Variants in FAT3 observed in about 807,000 individuals in gnomAD.
FAT3 encodes protocadherin Fat 3.
FAT3 carries 95 observed loss-of-function variants against 310.2 expected under a neutral mutation model. The observed-to-expected ratio is 0.31, with a 90% CI of 0.26 to 0.36. FAT3 has a LOEUF of 0.36. FAT3 is among the 10% of genes least tolerant of loss of function. The pLI is 1.00. For synonymous variants in FAT3, 2,314 were observed against 2,192.9 expected (o/e 1.06, Z -1.54); for missense variants, 5,408 against 5,715.6 (o/e 0.95, Z 1.74).
chr11:92,295,518 TG>T (rs1946827156), intron 1 of FAT3, among the ~76,000 whole-genome samples: 1 of 152,136 alleles, frequency 6.6e-6, no homozygotes, highest in South Asian at 2.1e-4. Context: ...TTATCTTCAG[TG>T]GGATAAAAAA....
chr11:92,596,710 G>C (rs1349116100), intron 3 of FAT3, among the ~76,000 whole-genome samples: 1 of 152,126 alleles, frequency 6.6e-6, no homozygotes, highest in Non-Finnish European at 1.5e-5. Context: ...AATAATCTCT[G>C]TCAGGCTTCA....
chr11:92,351,147 T>C (rs565821159), intron 1 of FAT3, among the ~76,000 whole-genome samples: 1 of 152,176 alleles, frequency 6.6e-6, no homozygotes, highest in Non-Finnish European at 1.5e-5. Context: ...TTCTTGCAAG[T>C]AATCACTCTT....
intron 3 of FAT3, among the ~76,000 whole-genome samples, chr11:92,647,011 A>G (rs761832617): frequency 1.3e-5 from 2 of 152,092 alleles, no homozygotes; most frequent in African/African-American, 2.4e-5. Flanking sequence ...CTTCTTTCTG[A>G]TAAGAACTAG....
At chr11:92,531,589 C>T (rs1254074059) in intron 3 of FAT3, among the ~76,000 whole-genome samples, 6 of 152,086 alleles carry the variant, frequency 3.9e-5, no homozygotes, top group African/African-American at 1.2e-4. Context: ...GGGGAATAAT[C>T]GTGTTGCTCT....
intron 2 of FAT3, among the ~76,000 whole-genome samples, chr11:92,507,541 A>G (rs1272308020): frequency 1.3e-5 from 2 of 151,868 alleles, no homozygotes; most frequent in Non-Finnish European, 2.9e-5. Context: ...ACACACATAC[A>G]TATATAGGGT....
chr11:92,862,625 G>A (rs1349912105), intron 21 of FAT3, among the ~76,000 whole-genome samples: 2 of 152,144 alleles, frequency 1.3e-5, no homozygotes, highest in Non-Finnish European at 2.9e-5. Context: ...CAGCCCACTT[G>A]GCATGGCCAG....
intron 3 of FAT3, among the ~76,000 whole-genome samples, chr11:92,652,936 G>A (rs1186249091): frequency 6.6e-6 from 1 of 152,136 alleles, no homozygotes; most frequent in African/African-American, 2.4e-5. Context: ...GCCGAGGCGG[G>A]TAGATCACCT....
intron 3 of FAT3, among the ~76,000 whole-genome samples, chr11:92,667,711 C>T (rs1045498774): frequency 6.6e-6 from 1 of 152,130 alleles, no homozygotes; most frequent in Non-Finnish European, 1.5e-5. Flanking sequence ...GAGCCCTCCT[C>T]GAGGAGGTCC....
intron 1 of FAT3, among the ~76,000 whole-genome samples, chr11:92,302,411 C>T (rs1393041465): frequency 6.6e-6 from 1 of 151,760 alleles, no homozygotes; most frequent in African/African-American, 2.4e-5. Context: ...AATTATCTAC[C>T]TTTCCTTTTT....
intron 3 of FAT3, among the ~76,000 whole-genome samples, chr11:92,666,173 C>A (rs1483513576): frequency 6.6e-6 from 1 of 152,108 alleles, no homozygotes; most frequent in African/African-American, 2.4e-5. Flanking sequence ...AAAAAGGGTT[C>A]AGTTATAAAA....
intron 4 of FAT3, among the ~76,000 whole-genome samples, chr11:92,712,818 A>G (rs1944564972): frequency 6.6e-6 from 1 of 152,242 alleles, no homozygotes; most frequent in African/African-American, 2.4e-5. Flanking sequence ...TAAGGTTGCC[A>G]GTTGGTAACA....
intron 3 of FAT3, among the ~76,000 whole-genome samples, chr11:92,572,037 T>C (rs923625108): frequency 6.6e-5 from 10 of 152,184 alleles, no homozygotes; most frequent in African/African-American, 2.2e-4. Flanking sequence ...TGCCTTACCA[T>C]GTACTCTTTT....
chr11:92,881,473 C>A (rs978195721), intron 23 of FAT3, among the ~76,000 whole-genome samples: 5 of 152,168 alleles, frequency 3.3e-5, no homozygotes, highest in African/African-American at 9.7e-5. Context: ...CTTACTTATT[C>A]ATTAGAGCAA....
At chr11:92,439,213 A>T (rs531758258) in intron 2 of FAT3, among the ~76,000 whole-genome samples, 4 of 152,186 alleles carry the variant, frequency 2.6e-5, no homozygotes, top group South Asian at 2.1e-4. Context: ...AAAGTAATAT[A>T]AAAAAACCCA....
intron 2 of FAT3, among the ~76,000 whole-genome samples, chr11:92,439,126 GTAT>G (rs1309359757): frequency 6.6e-6 from 1 of 152,138 alleles, no homozygotes; most frequent in African/African-American, 2.4e-5. Flanking sequence ...TTCATTCTGT[GTAT>G]TATTGGATTC....
At chr11:92,322,065 C>T (rs1465183816) in intron 1 of FAT3, among the ~76,000 whole-genome samples, 2 of 152,006 alleles carry the variant, frequency 1.3e-5, no homozygotes, top group African/African-American at 2.4e-5. Context: ...TAGGCCTTGT[C>T]CTAAGGTCCA....
At chr11:92,532,061 C>G (rs1490907481) in intron 3 of FAT3, among the ~76,000 whole-genome samples, 2 of 152,004 alleles carry the variant, frequency 1.3e-5, no homozygotes, top group East Asian at 3.9e-4. Context: ...CCATATGGCC[C>G]CTAGCAAAGC....
chr11:92,388,644 C>T (rs1565278258), intron 2 of FAT3, among the ~76,000 whole-genome samples: 2 of 152,128 alleles, frequency 1.3e-5, no homozygotes. Flanking sequence ...ATATAAGCAA[C>T]AGGGCCTGGT....
At chr11:92,501,916 C>A (rs781142400) in intron 2 of FAT3, among the ~76,000 whole-genome samples, 2 of 151,784 alleles carry the variant, frequency 1.3e-5, no homozygotes, top group African/African-American at 4.8e-5. Flanking sequence ...GAGAGGATGC[C>A]ATGCTTATGA....
Sources: allele counts gnomAD v4.1 joint callset (sites outside exome capture counted in the v4.1 genomes callset), GRCh38; gene constraint gnomAD v4.1.1; transcripts MANE v1.5; gene names NCBI Gene and HGNC (gene_info 2026-07-23, HGNC 2026-07-21).